Variants in CCL7 observed in about 807,000 individuals in gnomAD.
CCL7 encodes the protein C-C motif chemokine 7.
In CCL7, 8 loss-of-function variants were observed where a neutral mutation model predicts 7.1. The observed-to-expected ratio is 1.13, with a 90% confidence interval of 0.66 to 2.04. The LOEUF (loss-of-function observed/expected upper bound fraction) is 2.04. Ranked by LOEUF, CCL7 falls within the 30% of genes most tolerant of loss-of-function variation. CCL7 has a pLI of 0.00. For missense variants in CCL7, 134 were observed against 113.6 expected, an observed-to-expected ratio of 1.18 and a Z score of -0.82; for synonymous variants, 46 against 41.2, an observed-to-expected ratio of 1.12 and a Z score of -0.45.
At position 34,272,187 on chromosome 17, in the gene CCL7, A is replaced by G. The variant is rs1040744859; in HGVS notation, c.*385A>G. 6.4e-6 allele frequency: 1 copy of G among 157,260 alleles called. No individual in the cohort carries two copies. Among genetic ancestry groups the G allele is most frequent in the African/African-American group, 2.4e-5 (1 of 41,512 alleles). 9.7% of individuals were successfully genotyped at this position (157,260 alleles called of 1,614,324 possible). On this transcript the variant is annotated 3_prime_UTR_variant, in exon 3 of 3. Transcript: ENST00000378569. ...AAGCATATTGTTATTATATAATTAC[A>G]TATTTGCATATGTATGACTCCCAAA...
rs1341971200 is a variant in CCL7, at chr17:34,271,849, A to C, written c.*47A>C. The C allele has an allele frequency of 8.7e-7, 1 of 1,155,406 alleles. No homozygotes were observed. Among genetic ancestry groups the C allele is most frequent in the Admixed American group, 1.8e-5 (1 of 54,308 alleles). 71.6% of individuals were successfully genotyped at this position (1,155,406 alleles called of 1,614,324 possible). ...ACAAGCCATGACTTGAGAAACAAATAATTTGTATACCCTGTCCTTTCTCAG... is the reference window on the plus strand; with the variant it reads ...ACAAGCCATGACTTGAGAAACAAATCATTTGTATACCCTGTCCTTTCTCAG... On this transcript the variant is annotated 3_prime_UTR_variant, in exon 3 of 3. Coordinates refer to ENST00000378569, the MANE Select transcript of CCL7 (RefSeq NM_006273.4).
rs747735034 is a variant in CCL7, at chr17:34,270,354, C to T, written c.64C>T (p.Leu22Phe). 2 of 1,614,156 alleles carry T rather than the reference C, an allele frequency of 1.2e-6. No homozygotes were observed. Among genetic ancestry groups the T allele is most frequent in the East Asian group, 2.2e-5 (1 of 44,882 alleles). Residue 22 changes from leucine (L) to phenylalanine (F), a missense_variant, in exon 1 of 3, where the codon CTT becomes TTT. Transcript: ENST00000378569. ...AGCAGCTGCTTTCAGCCCCCAGGGG[C>T]TTGCTCAGCCAGGTAAGGTCCCTCT... ...LTAAAFSPQGLAQPVGINTST... is the reference protein window; with the variant it reads ...LTAAAFSPQGFAQPVGINTST...
intron 2 of CCL7, 75 bp downstream of exon 2, chr17:34,271,338 T>G: frequency 3.4e-5 from 40 of 1,188,680 alleles, no homozygotes; most frequent in South Asian, 5.6e-5. Context: ...AGGACTAGTA[T>G]CAGAATGAGT....
intron 1 of CCL7, among the ~76,000 whole-genome samples, chr17:34,270,924 C>G (rs754815054): frequency 6.6e-6 from 1 of 152,188 alleles, no homozygotes; most frequent in Non-Finnish European, 1.5e-5. Flanking sequence ...CCTCTTCCGT[C>G]TTTCAACTGG....
In CCL7 at chr17:34,270,380, C is replaced by G. The variant is rs775586841; in HGVS notation, c.76+14C>G. The G allele has an allele frequency of 5.0e-6, 8 of 1,611,054 alleles. No individual in the cohort carries two copies. Among genetic ancestry groups the G allele is most frequent in the East Asian group, 2.2e-5 (1 of 44,852 alleles). On this transcript the variant is annotated intron_variant, in intron 1 of 2. Transcript: ENST00000378569. Reference sequence around the variant, plus strand: ...TTGCTCAGCCAGGTAAGGTCCCTCTCTCCTTCTCCTTGAAGCACATTGCCC... The same window carrying G: ...TTGCTCAGCCAGGTAAGGTCCCTCTGTCCTTCTCCTTGAAGCACATTGCCC...
Position 34,271,775 on chromosome 17 carries a change from C to T in CCL7, c.273C>T (p.Asp91=). The part of the protein sequence containing the change: ...KWVQDFMKHL[D]KKTQTPKL ...TCCAGGACTTTATGAAGCACCTGGA[C>T]AAGAAAACCCAAACTCCAAAGCTTT... is the stretch of plus-strand genomic sequence containing the variant. The change falls in exon 3 of 3, where the codon GAC becomes GAT. Residue 91 remains aspartate (D), a synonymous_variant. Coordinates refer to ENST00000378569, the MANE Select transcript of CCL7 (RefSeq NM_006273.4). 6.2e-7 allele frequency: 1 copy of T among 1,611,902 alleles called. No homozygotes were observed. Among genetic ancestry groups the T allele is most frequent in the Non-Finnish European group, 8.5e-7 (1 of 1,178,704 alleles).
At chr17:34,271,109 C>T in intron 1 of CCL7, 37 bp from the exon 2 acceptor site, 1 of 1,613,904 alleles carries the variant, frequency 6.2e-7, no homozygotes, top group Non-Finnish European at 8.5e-7. Flanking sequence ...CCAGGACACA[C>T]CCTCAATGGA....
In CCL7 at chr17:34,270,289, A is replaced by G; in HGVS notation, c.-2A>G. ...TGGAAGCCCATGCCCTCACCCTCCA[A>G]CATGAAAGCCTCTGCAGCACTTCTG... On this transcript the variant is annotated 5_prime_UTR_variant, in exon 1 of 3. Transcript: ENST00000378569. 6.2e-7 allele frequency: 1 copy of G among 1,614,136 alleles called. No homozygotes were observed. The highest frequency in any genetic ancestry group is 8.5e-7 in the Non-Finnish European group (1 of 1,179,994).
chr17:34,270,696 G>A (rs528485079), intron 1 of CCL7, among the ~76,000 whole-genome samples: 128 of 152,150 alleles, frequency 8.4e-4, no homozygotes, highest in Admixed American at 4.2e-3. Context: ...ATGGGTGTGC[G>A]GGCTGTTTCC....
chr17:34,271,337 A>T, intron 2 of CCL7, 74 bp downstream of exon 2: 1 of 1,208,570 alleles, frequency 8.3e-7, no homozygotes, highest in Non-Finnish European at 1.2e-6. Context: ...TAGGACTAGT[A>T]TCAGAATGAG....
intron 2 of CCL7, 134 bp downstream of exon 2, chr17:34,271,397 C>T: frequency 1.3e-6 from 1 of 747,588 alleles, no homozygotes; most frequent in Non-Finnish European, 2.2e-6. Flanking sequence ...TTATCCCAGA[C>T]ATTTGCCAGT....
chr17:34,271,626 A>T, intron 2 of CCL7, 71 bp from the exon 3 acceptor site: 1 of 972,658 alleles, frequency 1.0e-6, no homozygotes, highest in Non-Finnish European at 1.6e-6. Flanking sequence ...CAGATTTCCC[A>T]TAGACTTGGT....
At chr17:34,270,624 C>T (rs559200750) in intron 1 of CCL7, among the ~76,000 whole-genome samples, 1 of 152,186 alleles carries the variant, frequency 6.6e-6, no homozygotes, top group Non-Finnish European at 1.5e-5. Context: ...GTGCAGTTAC[C>T]ACTCCAGCTG....
At chr17:34,271,000 C>T (rs1271897447) in intron 1 of CCL7, 146 bp from the exon 2 acceptor site, 4 of 1,493,974 alleles carry the variant, frequency 2.7e-6, no homozygotes, top group Non-Finnish European at 3.6e-6. Flanking sequence ...CCTCAAAGGG[C>T]AGAGACATTG....
Position 34,271,000 on chromosome 17 carries a change from C to A in CCL7, c.77-146C>A. 5 of 1,494,092 alleles carry A rather than the reference C, an allele frequency of 3.3e-6. No homozygotes were observed. The South Asian group carries it at 6.8e-5, about 20-fold the overall frequency. 92.6% of individuals were successfully genotyped at this position (1,494,092 alleles called of 1,614,324 possible). ...GGAGTTTATGAAATGCCTCAAAGGG[C>A]AGAGACATTGGGTTTGGGATGGGCA... On this transcript the variant is annotated intron_variant, in intron 1 of 2. Transcript: ENST00000378569.
intron 2 of CCL7, 52 bp downstream of exon 2, chr17:34,271,315 C>A: frequency 6.8e-7 from 1 of 1,462,850 alleles, no homozygotes; most frequent in Non-Finnish European, 9.5e-7. Context: ...AGGTTCTTCC[C>A]TGGGCAGGGA....
chr17:34,270,357 G>C lies in CCL7; in HGVS notation c.67G>C (p.Ala23Pro), dbSNP rs1908080361. 3 of 1,614,028 alleles carry C rather than the reference G, an allele frequency of 1.9e-6. No individual in the cohort carries two copies. Among genetic ancestry groups the C allele is most frequent in the Middle Eastern group, 1.7e-4 (1 of 6,060 alleles). ...TAAAFSPQGL[A>P]QPVGINTSTT... Reference sequence around the variant, plus strand: ...AGCTGCTTTCAGCCCCCAGGGGCTTGCTCAGCCAGGTAAGGTCCCTCTCTC... The same window carrying C: ...AGCTGCTTTCAGCCCCCAGGGGCTTCCTCAGCCAGGTAAGGTCCCTCTCTC... Residue 23 changes from alanine (A) to proline (P), a missense_variant, in exon 1 of 3, where the codon GCT becomes CCT. Transcript: ENST00000378569.
rs1456694122 is a variant in CCL7, at chr17:34,271,745, G to C, written c.243G>C (p.Lys81Asn). 1 of 1,613,580 alleles carries C rather than the reference G, an allele frequency of 6.2e-7. No homozygotes were observed. Among genetic ancestry groups the C allele is most frequent in the Non-Finnish European group, 8.5e-7 (1 of 1,179,886 alleles). ...DKEICADPTQ[K>N]WVQDFMKHLD... Reference sequence around the variant, plus strand: ...AGATCTGTGCTGACCCCACACAGAAGTGGGTCCAGGACTTTATGAAGCACC... The same window carrying C: ...AGATCTGTGCTGACCCCACACAGAACTGGGTCCAGGACTTTATGAAGCACC... Residue 81 changes from lysine (K) to asparagine (N), a missense_variant, in exon 3 of 3, where the codon AAG becomes AAC. Physicochemically the swap from Lys to Asn is moderately conservative, Grantham distance 94 (BLOSUM62 0). Transcript: ENST00000378569.
intron 2 of CCL7, 133 bp from the exon 3 acceptor site, chr17:34,271,564 T>A: frequency 1.6e-6 from 1 of 624,502 alleles, no homozygotes; most frequent in South Asian, 2.2e-5. Flanking sequence ...CTTTGTTTTA[T>A]CTTCTTCCTT....
Sources: gnomAD v4.1 joint callset for allele counts (sites outside exome capture counted in the v4.1 genomes callset) on GRCh38, gnomAD v4.1.1 for gene constraint, MANE v1.5 for transcripts, NCBI Gene and HGNC (gene_info 2026-07-23, HGNC 2026-07-21) for gene names.